The following SPG21 variants were observed in gnomAD, a reference collection of about 807,000 sequenced individuals.
The protein encoded by SPG21 is SPG21 abhydrolase domain containing, maspardin, also known as maspardin.
SPG21 carries 26 observed loss-of-function variants against 38.9 expected under a neutral mutation model. The ratio of observed to expected loss-of-function variants is 0.67; its 90% CI spans 0.49 to 0.93. The LOEUF is 0.93. Among genes scored for constraint, SPG21 ranks in the 40% least tolerant of loss-of-function variants. The pLI is 0.00. For missense variants in SPG21, 333 were observed against 376.5 expected (o/e 0.88, Z 0.96); for synonymous variants, 136 against 128.9 (o/e 1.05, Z -0.37).
Position 64,969,260 on chromosome 15 carries a change from T to C in SPG21, c.664A>G (p.Met222Val). The stretch of plus-strand genomic sequence containing the variant: ...TTACTTAAAAGGAAGCTTACATCCA[T>C]AATAGTTACAGGTATGTCCCGAATT... ...HKIRDIPVTIMDVFDQSALST... is the reference protein window; with the variant it reads ...HKIRDIPVTIVDVFDQSALST... Residue 222 changes from methionine to valine, a missense_variant, in exon 7 of 9, where the codon ATG becomes GTG. Met to Val is a conservative substitution (Grantham distance 21). Transcript: ENST00000204566. The C allele has an allele frequency of 6.2e-7, 1 of 1,601,472 alleles. No individual in the cohort carries two copies. The highest frequency in any genetic ancestry group is 2.2e-5 in the East Asian group (1 of 44,820).
intron 1 of SPG21, among the ~76,000 whole-genome samples, chr15:64,984,043 TAA>T (rs1273090534): frequency 3.9e-5 from 6 of 152,094 alleles, no homozygotes; most frequent in African/African-American, 9.7e-5. Flanking sequence ...CTCAGCCTCC[TAA>T]AGTGTTGGGA....
At chr15:64,965,584 T>C in intron 7 of SPG21, 124 bp from the exon 8 acceptor site, 1 of 1,424,776 alleles carries the variant, frequency 7.0e-7, no homozygotes, top group Non-Finnish European at 9.7e-7. Context: ...ACCCTAAGTA[T>C]TCCTTTCATA....
chr15:64,976,668 GCTC>G lies in SPG21; in HGVS notation c.226-116_226-114del, dbSNP rs1184177947. On this transcript the variant is annotated intron_variant, in intron 3 of 8. Coordinates refer to ENST00000204566, the MANE Select transcript of SPG21 (RefSeq NM_016630.7). ...GACATTTCTCGTTTGCTCAAGCGCT[GCTC>G]CTTATTCAAAATATGTAAAAATAAG... 6.8e-6 allele frequency: 5 copies of G among 737,150 alleles called. No individual in the cohort carries two copies. The African/African-American group carries it at 8.9e-5, about 13-fold the overall frequency. The allele number at this position is 737,150 out of a possible 1,614,324, so 45.7% of individuals were successfully genotyped here.
chr15:64,970,733 A>G (rs958900835), intron 5 of SPG21, among the ~76,000 whole-genome samples: 11 of 152,016 alleles, frequency 7.2e-5, no homozygotes, highest in African/African-American at 2.7e-4. Context: ...TTATTTTTTA[A>G]ATTTATTATT....
chr15:64,983,484 A>T, intron 2 of SPG21, 23 bp downstream of exon 2: 1 of 1,524,682 alleles, frequency 6.6e-7, no homozygotes, highest in African/African-American at 1.4e-5. Flanking sequence ...TGCAAATAAG[A>T]GGTATAGTAA....
chr15:64,982,010 T>C (rs970358494), intron 2 of SPG21, among the ~76,000 whole-genome samples: 1 of 152,156 alleles, frequency 6.6e-6, no homozygotes, highest in Non-Finnish European at 1.5e-5. Flanking sequence ...AGCAGATAAA[T>C]GGAGCAAGGC....
intron 2 of SPG21, chr15:64,981,549 A>G (rs2140443325): frequency 6.4e-6 from 1 of 156,124 alleles, no homozygotes; most frequent in East Asian, 1.9e-4. Context: ...TTGGCCTCCC[A>G]AAGTGCTGGG....
chr15:64,978,386 T>C (rs1164011564), intron 3 of SPG21, among the ~76,000 whole-genome samples: 4 of 151,574 alleles, frequency 2.6e-5, no homozygotes, highest in South Asian at 4.2e-4. Flanking sequence ...GAGGTGGAGG[T>C]TGCATGAGCC....
intron 2 of SPG21, 102 bp from the exon 3 acceptor site, chr15:64,981,127 GTTTGT>G: frequency 7.0e-7 from 1 of 1,418,834 alleles, no homozygotes; most frequent in Non-Finnish European, 9.7e-7. Context: ...CTACTGCCTT[GTTTGT>G]TACAAGGTAA....
At chr15:64,986,290 C>T (rs370505319) in intron 1 of SPG21, among the ~76,000 whole-genome samples, 4 of 152,064 alleles carry the variant, frequency 2.6e-5, no homozygotes, top group East Asian at 1.9e-4. Context: ...CACTTGAACC[C>T]GGGAGGCAGA....
At chr15:64,979,845 C>CAAAAAA (rs71136305) in intron 3 of SPG21, among the ~76,000 whole-genome samples, 2 of 89,550 alleles carry the variant, frequency 2.2e-5, no homozygotes, top group East Asian at 4.3e-4. Flanking sequence ...TGGAAGCATG[C>CAAAAAA]AAAAAAAAAA....
chr15:64,988,217 G>A (rs1299270509), intron 1 of SPG21, among the ~76,000 whole-genome samples: 1 of 152,048 alleles, frequency 6.6e-6, no homozygotes, highest in Non-Finnish European at 1.5e-5. Flanking sequence ...GTGAGACTCT[G>A]TCTCAAAAAA....
At position 64,963,588 on chromosome 15, in the gene SPG21, G is replaced by A. The variant is rs753654075; in HGVS notation, c.*32C>T. 23 of 1,549,264 alleles carry A rather than the reference G, an allele frequency of 1.5e-5. No individual in the cohort carries two copies. Among genetic ancestry groups the A allele is most frequent in the Admixed American group, 6.7e-5 (4 of 59,900 alleles). On this transcript the variant is annotated 3_prime_UTR_variant, in exon 9 of 9. Transcript: ENST00000204566. ...GCCACTGACTATACAAGAACACACC[G>A]GGTCAACTCATCATTGACAGCGAGA...
intron 1 of SPG21, chr15:64,988,520 G>A (rs1295512823): frequency 6.6e-6 from 1 of 152,214 alleles, no homozygotes; most frequent in African/African-American, 2.4e-5. Context: ...CACCACAGAA[G>A]TACACAGCTA....
intron 5 of SPG21, among the ~76,000 whole-genome samples, chr15:64,971,335 T>C (rs181044994): frequency 9.5e-4 from 141 of 148,850 alleles, no homozygotes; most frequent in African/African-American, 3.0e-3. Context: ...GTCAGGAGAT[T>C]GAGACCATCC....
At chr15:64,979,502 G>A (rs1366590089) in intron 3 of SPG21, among the ~76,000 whole-genome samples, 2 of 152,186 alleles carry the variant, frequency 1.3e-5, no homozygotes, top group African/African-American at 2.4e-5. Context: ...AAAGAAGCTG[G>A]AGAAATTAAG....
At chr15:64,987,313 A>G in intron 1 of SPG21, 1 of 152,248 alleles carries the variant, frequency 6.6e-6, no homozygotes, top group African/African-American at 2.4e-5. Flanking sequence ...GTTTGGCAGT[A>G]CATGAAAGGT....
intron 2 of SPG21, chr15:64,981,393 G>A (rs1282623457): frequency 1.3e-5 from 3 of 235,268 alleles, no homozygotes; most frequent in South Asian, 5.2e-5. Context: ...AGGTTCAAGC[G>A]ATTCTCCTGC....
chr15:64,984,536 G>A (rs2085949750), intron 1 of SPG21, among the ~76,000 whole-genome samples: 1 of 151,940 alleles, frequency 6.6e-6, no homozygotes, highest in Non-Finnish European at 1.5e-5. Flanking sequence ...TGGTTTTGTA[G>A]AGATGGGGGC....
Sources: gnomAD v4.1 joint callset for allele counts (sites outside exome capture counted in the v4.1 genomes callset) on GRCh38, gnomAD v4.1.1 for gene constraint, MANE v1.5 for transcripts, NCBI Gene and HGNC (gene_info 2026-07-23, HGNC 2026-07-21) for gene names.